MTMR7: variants seen among roughly 807,000 people sequenced by gnomAD.
The protein encoded by MTMR7 is phosphatidylinositol-3-phosphate phosphatase MTMR7.
In MTMR7, 76 loss-of-function variants were observed where a neutral mutation model predicts 81.2. The ratio of observed to expected loss-of-function variants is 0.94; its 90% confidence interval spans 0.78 to 1.13. The LOEUF (loss-of-function observed/expected upper bound fraction) is 1.13, where lower values mean the gene tolerates loss of function less well. Among genes scored for constraint, MTMR7 ranks in the 50% most tolerant of loss-of-function variants. MTMR7 has a pLI of 0.00. For missense variants in MTMR7, 1,044 were observed against 820.0 expected, an observed-to-expected ratio of 1.27 and a Z score of -3.34; for synonymous variants, 372 against 289.8, an observed-to-expected ratio of 1.28 and a Z score of -2.88.
chr8:17,312,445 C>A (rs1030360922), intron 8 of MTMR7, among the ~76,000 whole-genome samples: 1 of 151,902 alleles, frequency 6.6e-6, no homozygotes, highest in African/African-American at 2.4e-5. Flanking sequence ...CATAGTGGCG[C>A]GTGCCAGTAA....
In MTMR7 at chr8:17,301,993, G is replaced by A. The variant is rs570152886; in HGVS notation, c.1620+161C>T. ...CATTAAATGCCTAGGTTTGGGCTTC[G>A]GTTATCTGAGTCCTGACCTGGATGG... On this transcript the variant is annotated intron_variant, in intron 13 of 13. Coordinates refer to ENST00000180173, the MANE Select transcript of MTMR7 (RefSeq NM_004686.5). 11 of 878,360 alleles carry A rather than the reference G, an allele frequency of 1.3e-5. No homozygotes were observed. In the East Asian group the frequency reaches 1.3e-4, roughly 11 times the overall value. 54.4% of individuals were successfully genotyped at this position (878,360 alleles called of 1,614,324 possible). A position where few individuals can be genotyped will look rare whatever the true frequency, so the allele number is the denominator to read the frequency against.
intron 10 of MTMR7, 56 bp downstream of exon 10, chr8:17,309,221 T>A: frequency 8.5e-7 from 1 of 1,180,030 alleles, no homozygotes; most frequent in Non-Finnish European, 1.2e-6. Flanking sequence ...CAATTGAAAT[T>A]TTCAGAAACA....
Position 17,371,209 on chromosome 8 carries a change from A to G in MTMR7, c.148-10T>C, listed in dbSNP as rs767331812. 30 of 1,613,416 alleles carry G rather than the reference A, an allele frequency of 1.9e-5. No homozygotes were observed. In the South Asian group the frequency reaches 3.1e-4, roughly 17 times the overall value. ...TCTGACTGTGAAGAATCTAGAACCA[A>G]ATGTTAATGTGCATAAGCTAAGCAC... On this transcript the variant is annotated splice_polypyrimidine_tract_variant and intron_variant, in intron 2 of 13. Coordinates refer to ENST00000180173, the MANE Select transcript of MTMR7 (RefSeq NM_004686.5).
chr8:17,315,637 A>G (rs1818025042), intron 7 of MTMR7, among the ~76,000 whole-genome samples: 1 of 152,172 alleles, frequency 6.6e-6, no homozygotes, highest in South Asian at 2.1e-4. Context: ...TTAAAAAGAA[A>G]AAGTCTTTAA....
intron 1 of MTMR7, among the ~76,000 whole-genome samples, chr8:17,403,536 A>G (rs1237860540): frequency 6.6e-6 from 1 of 152,060 alleles, no homozygotes; most frequent in East Asian, 1.9e-4. Context: ...TTCTTTTTGC[A>G]CAGAATACAT....
intron 1 of MTMR7, 146 bp downstream of exon 1, chr8:17,413,123 C>T: frequency 1.1e-6 from 1 of 913,042 alleles, no homozygotes; most frequent in Non-Finnish European, 1.7e-6. Context: ...CCCCGGGATG[C>T]TCAGGCAATG....
intron 1 of MTMR7, among the ~76,000 whole-genome samples, chr8:17,380,227 C>G (rs537739483): frequency 6.6e-6 from 1 of 152,214 alleles, no homozygotes; most frequent in East Asian, 1.9e-4. Context: ...CAGGCCAACC[C>G]CAGTTGTCAG....
rs75941387 is a variant in MTMR7, at chr8:17,301,944, G to T, written c.1620+210C>A. Reference sequence around the variant, plus strand: ...AACAACCAAAAATTTGTGGAACTGAGCCACAAACCAGATGTGTGAAATGCA... The same window carrying T: ...AACAACCAAAAATTTGTGGAACTGATCCACAAACCAGATGTGTGAAATGCA... On this transcript the variant is annotated intron_variant, in intron 13 of 13. Transcript: ENST00000180173. 380 of 502,840 alleles carry T rather than the reference G, an allele frequency of 7.6e-4. 1 individual carries two copies. The highest frequency in any genetic ancestry group is 7.0e-3 in the African/African-American group (354 of 50,564). The allele number at this position is 502,840 out of a possible 1,614,324, so 31.1% of individuals were successfully genotyped here.
intron 10 of MTMR7, 104 bp downstream of exon 10, chr8:17,309,173 A>G (rs1268190702): frequency 2.6e-6 from 2 of 773,664 alleles, no homozygotes; most frequent in East Asian, 2.5e-5. Context: ...AATAAGAGAC[A>G]CAAACTCAAA....
intron 2 of MTMR7, among the ~76,000 whole-genome samples, chr8:17,372,501 T>C (rs1388830362): frequency 6.6e-6 from 1 of 152,022 alleles, no homozygotes; most frequent in Non-Finnish European, 1.5e-5. Context: ...GGCAGGAGAA[T>C]CACTTGAACC....
intron 12 of MTMR7, chr8:17,302,559 C>G (rs73550094): frequency 0.016 from 4,652 of 285,588 alleles, 208 homozygotes; most frequent in African/African-American, 0.092. Flanking sequence ...GTACATGTAA[C>G]CATTACCTTT....
intron 6 of MTMR7, among the ~76,000 whole-genome samples, chr8:17,334,249 G>T (rs1819151765): frequency 2.0e-5 from 3 of 152,160 alleles, no homozygotes; most frequent in African/African-American, 7.2e-5. Context: ...CCTCAAAGCA[G>T]GAGATACGGT....
chr8:17,381,392 C>T (rs147325967), intron 1 of MTMR7, among the ~76,000 whole-genome samples: 16 of 152,188 alleles, frequency 1.1e-4, no homozygotes, highest in African/African-American at 3.6e-4. Context: ...AGAGTCAGAG[C>T]CTTTCTTCAG....
At chr8:17,382,055 A>T (rs1026957395) in intron 1 of MTMR7, among the ~76,000 whole-genome samples, 43 of 152,232 alleles carry the variant, frequency 2.8e-4, no homozygotes, top group African/African-American at 9.6e-4. Context: ...ACAAAATGGC[A>T]ACAGTGAAAA....
intron 4 of MTMR7, 63 bp downstream of exon 4, chr8:17,361,054 G>T (rs1207233602): frequency 6.4e-7 from 1 of 1,562,714 alleles, no homozygotes; most frequent in Middle Eastern, 1.7e-4. Context: ...AAAATAAAGG[G>T]ATGCTAAGCT....
At chr8:17,411,069 C>G (rs1043043358) in intron 1 of MTMR7, among the ~76,000 whole-genome samples, 2 of 152,162 alleles carry the variant, frequency 1.3e-5, no homozygotes, top group African/African-American at 4.8e-5. Context: ...TCTGCAAGCT[C>G]TGTAAGTAAT....
intron 7 of MTMR7, among the ~76,000 whole-genome samples, chr8:17,319,690 A>G (rs1818281469): frequency 6.6e-6 from 1 of 152,220 alleles, no homozygotes; most frequent in Admixed American, 6.5e-5. Context: ...TTGATTGTGG[A>G]AACCAATGCA....
At chr8:17,363,084 G>T (rs1820106447) in intron 3 of MTMR7, among the ~76,000 whole-genome samples, 1 of 152,206 alleles carries the variant, frequency 6.6e-6, no homozygotes, top group African/African-American at 2.4e-5. Context: ...CGCACATCCA[G>T]GCGTGCTCAC....
At chr8:17,397,312 G>A (rs1821290891) in intron 1 of MTMR7, among the ~76,000 whole-genome samples, 1 of 152,166 alleles carries the variant, frequency 6.6e-6, no homozygotes, top group South Asian at 2.1e-4. Flanking sequence ...CATCATTTCT[G>A]GACCTGCCCT....
Sources: gnomAD v4.1 joint callset for allele counts (sites outside exome capture counted in the v4.1 genomes callset) on GRCh38, gnomAD v4.1.1 for gene constraint, MANE v1.5 for transcripts, NCBI Gene and HGNC (gene_info 2026-07-23, HGNC 2026-07-21) for gene names.